The following XIRP2 variants were observed in gnomAD, a reference collection of about 807,000 sequenced individuals.
XIRP2 encodes the protein xin actin-binding repeat-containing protein 2.
Under a neutral mutation model 277.0 loss-of-function variants are expected in XIRP2, and 236 were observed. The observed-to-expected ratio is 0.85, with a 90% CI of 0.77 to 0.95. The LOEUF (loss-of-function observed/expected upper bound fraction) is 0.95, where lower values mean the gene tolerates loss of function less well. Among genes scored for constraint, XIRP2 ranks in the 40% least tolerant of loss-of-function variants. XIRP2 has a pLI of 0.00. For missense variants in XIRP2, 4,640 were observed against 4,157.5 expected (o/e 1.12, Z -3.19); for synonymous variants, 1,490 against 1,416.5 (o/e 1.05, Z -1.17).
chr2:167,179,610 G>A (rs376067062), intron 3 of XIRP2, among the ~76,000 whole-genome samples: 25 of 150,576 alleles, frequency 1.7e-4, no homozygotes, highest in East Asian at 5.9e-4. Context: ...GTGAGCCACC[G>A]CACCCAGCCT....
intron 3 of XIRP2, among the ~76,000 whole-genome samples, chr2:167,172,536 G>GACGTCCCC (rs1186798358): frequency 6.6e-6 from 1 of 152,122 alleles, no homozygotes; most frequent in Non-Finnish European, 1.5e-5. Flanking sequence ...ATAAAAGACA[G>GACGTCCCC]ACGTCCCCAG....
intron 5 of XIRP2, among the ~76,000 whole-genome samples, chr2:167,233,971 A>G (rs1694829756): frequency 6.6e-6 from 1 of 151,710 alleles, no homozygotes; most frequent in African/African-American, 2.4e-5. Flanking sequence ...ATTGTTATTT[A>G]TATGACTAAT....
At chr2:166,968,755 C>A (rs77060291) in intron 2 of XIRP2, among the ~76,000 whole-genome samples, 4,564 of 150,744 alleles carry the variant, frequency 0.03, 98 homozygotes, top group East Asian at 0.079. Context: ...ATTTTTTTTT[C>A]TATTTTTTAA....
At chr2:167,233,080 A>C (rs1316101294) in intron 5 of XIRP2, among the ~76,000 whole-genome samples, 7 of 151,954 alleles carry the variant, frequency 4.6e-5, no homozygotes, top group African/African-American at 1.7e-4. Context: ...GATAAAATTT[A>C]GTTCAGGTGA....
At chr2:167,068,898 A>G (rs1290985567) in intron 2 of XIRP2, among the ~76,000 whole-genome samples, 2 of 152,138 alleles carry the variant, frequency 1.3e-5, no homozygotes, top group Non-Finnish European at 2.9e-5. Context: ...TGTGTGGTCC[A>G]AGACAATTCT....
chr2:167,192,677 C>T (rs1693382791), intron 3 of XIRP2, among the ~76,000 whole-genome samples: 1 of 151,990 alleles, frequency 6.6e-6, no homozygotes, highest in Non-Finnish European at 1.5e-5. Flanking sequence ...ATTTAAAATC[C>T]ACCACCTCTG....
At position 167,254,043 on chromosome 2, in the gene XIRP2, C is replaced by G; in HGVS notation, c.10567C>G (p.Pro3523Ala). 2 of 1,591,364 alleles carry G rather than the reference C, an allele frequency of 1.3e-6. No individual in the cohort carries two copies. The highest frequency in any genetic ancestry group is 1.7e-6 in the Non-Finnish European group (2 of 1,168,940). Reference sequence around the variant, plus strand: ...ATTTTTATTTTTAGAAGCTGCTGCTCCAAGACAAGGAAATATGTATACTTT... The same window carrying G: ...ATTTTTATTTTTAGAAGCTGCTGCTGCAAGACAAGGAAATATGTATACTTT... ...ESAFISEAAA[P>A]RQGNMYTLSK... Residue 3523 changes from proline to alanine, a missense_variant, in exon 10 of 11, where the codon CCA becomes GCA. Transcript: ENST00000409195.
At chr2:167,035,513 A>G (rs539811765) in intron 2 of XIRP2, among the ~76,000 whole-genome samples, 1 of 152,270 alleles carries the variant, frequency 6.6e-6, no homozygotes, top group East Asian at 1.9e-4. Context: ...CTTGAGAGAG[A>G]TGATTTAGGG....
chr2:167,226,532 A>G (rs1694607218), intron 5 of XIRP2, among the ~76,000 whole-genome samples: 2 of 152,308 alleles, frequency 1.3e-5, no homozygotes, highest in South Asian at 4.1e-4. Flanking sequence ...AAAAGCAAAA[A>G]CACAAAGCAA....
intron 2 of XIRP2, among the ~76,000 whole-genome samples, chr2:166,911,212 G>A (rs1684690067): frequency 6.6e-6 from 1 of 152,154 alleles, no homozygotes; most frequent in Non-Finnish European, 1.5e-5. Flanking sequence ...TGACAGTGGG[G>A]TTTTAAAGTC....
chr2:167,257,350 G>A (rs777009982), intron 10 of XIRP2, among the ~76,000 whole-genome samples: 8 of 151,718 alleles, frequency 5.3e-5, no homozygotes, highest in African/African-American at 7.3e-5. Flanking sequence ...TAGATATTTC[G>A]AAAACTATGC....
chr2:167,259,470 A>C lies in XIRP2; in HGVS notation c.*1653A>C, dbSNP rs1230160572. On this transcript the variant is annotated 3_prime_UTR_variant, in exon 11 of 11. Coordinates refer to ENST00000409195, the MANE Select transcript of XIRP2 (RefSeq NM_152381.6). ...CCCTTTTGAGGAACTTGATGTAAACATGGTGTTCAGAAATCTCGTGTCTAT... is the reference window on the plus strand; with the variant it reads ...CCCTTTTGAGGAACTTGATGTAAACCTGGTGTTCAGAAATCTCGTGTCTAT... 1 of 1,140,664 alleles carries C rather than the reference A, an allele frequency of 8.8e-7. No homozygotes were observed. The highest frequency in any genetic ancestry group is 2.6e-5 in the East Asian group (1 of 38,134). 70.7% of individuals were successfully genotyped at this position (1,140,664 alleles called of 1,614,324 possible).
chr2:167,052,988 C>T (rs899200637), intron 2 of XIRP2, among the ~76,000 whole-genome samples: 3 of 152,180 alleles, frequency 2.0e-5, no homozygotes, highest in Non-Finnish European at 4.4e-5. Context: ...TATTTAAACA[C>T]TGAGATTCTA....
chr2:167,148,930 A>G (rs73017949), intron 3 of XIRP2, among the ~76,000 whole-genome samples: 15,174 of 152,062 alleles, frequency 0.1, 824 homozygotes, highest in South Asian at 0.15. Context: ...AGGATGGTAG[A>G]ACTTTGAAAA....
In XIRP2 at chr2:167,250,151, T is replaced by C. The variant is rs188847809; in HGVS notation, c.8759T>C (p.Ile2920Thr). Residue 2920 changes from isoleucine to threonine, a missense_variant, in exon 9 of 11, where the codon ATT (isoleucine) becomes ACT (threonine). Transcript: ENST00000409195. ...FSNTKDSKQE[I>T]TQNKSFFSSV... ...AATACTAAAGATTCAAAGCAAGAGATTACACAGAACAAATCTTTCTTTTCC... is the reference window on the plus strand; with the variant it reads ...AATACTAAAGATTCAAAGCAAGAGACTACACAGAACAAATCTTTCTTTTCC... 1 of 1,613,428 alleles carries C rather than the reference T, an allele frequency of 6.2e-7. No individual in the cohort carries two copies. Among genetic ancestry groups the C allele is most frequent in the East Asian group, 2.2e-5 (1 of 44,826 alleles).
intron 4 of XIRP2, 105 bp downstream of exon 4, chr2:167,211,000 G>T: frequency 7.2e-7 from 1 of 1,383,498 alleles, no homozygotes; most frequent in Non-Finnish European, 9.7e-7. Context: ...GGGGGCTAAA[G>T]TAGAAAGAGC....
chr2:167,133,010 T>C (rs1691431802), intron 2 of XIRP2, among the ~76,000 whole-genome samples: 1 of 152,182 alleles, frequency 6.6e-6, no homozygotes, highest in African/African-American at 2.4e-5. Context: ...TTGTTGAACA[T>C]TAGGTGTTCA....
intron 2 of XIRP2, among the ~76,000 whole-genome samples, chr2:166,985,758 T>C (rs1686987954): frequency 6.6e-6 from 1 of 151,942 alleles, no homozygotes; most frequent in Admixed American, 6.6e-5. Flanking sequence ...TTATTCTTAG[T>C]GTTGGTCTGG....
At chr2:167,077,523 A>C (rs962342965) in intron 2 of XIRP2, among the ~76,000 whole-genome samples, 3 of 152,214 alleles carry the variant, frequency 2.0e-5, no homozygotes, top group African/African-American at 7.2e-5. Context: ...TCTATAAAGA[A>C]AGAATAATGA....
Sources: gnomAD v4.1 joint callset for allele counts (sites outside exome capture counted in the v4.1 genomes callset) on GRCh38, gnomAD v4.1.1 for gene constraint, MANE v1.5 for transcripts, NCBI Gene and HGNC (gene_info 2026-07-23, HGNC 2026-07-21) for gene names.